PCDHGB4: variants seen among roughly 807,000 people sequenced by gnomAD.
PCDHGB4 encodes protocadherin gamma subfamily B, 4.
In PCDHGB4, 38 loss-of-function variants were observed where a neutral mutation model predicts 60.5. The observed-to-expected ratio is 0.63, with a 90% confidence interval of 0.48 to 0.82. The LOEUF is 0.82. Ranked by LOEUF, PCDHGB4 falls within the 40% of genes least tolerant of loss-of-function variation. The pLI is 0.00. For missense variants in PCDHGB4, 1,109 were observed against 1,209.6 expected, an observed-to-expected ratio of 0.92 and a Z score of 1.23; for synonymous variants, 456 against 509.7, an observed-to-expected ratio of 0.89 and a Z score of 1.42.
chr5:141,408,824 C>T, intron 1 of PCDHGB4: 1 of 1,613,560 alleles, frequency 6.2e-7, no homozygotes, highest in South Asian at 1.1e-5. Context: ...ACAGAGATCT[C>T]ATAGCTTGAT....
intron 1 of PCDHGB4, among the ~76,000 whole-genome samples, chr5:141,475,171 C>A (rs545499118): frequency 6.6e-6 from 1 of 152,164 alleles, no homozygotes; most frequent in African/African-American, 2.4e-5. Context: ...AGCAGTGCAA[C>A]TTCTTGTGGC....
rs117345436 is a variant in PCDHGB4 at position 141,492,015 on chromosome 5, G to T, written c.2398-2792G>T. 1,356 of 600,608 alleles carry T rather than the reference G, an allele frequency of 2.3e-3. 40 individuals carry two copies. The East Asian group carries it at 0.038, about 17-fold the overall frequency. The allele number at this position is 600,608 out of a possible 1,614,324, so 37.2% of individuals were successfully genotyped here. A position where few individuals can be genotyped will look rare whatever the true frequency, so the allele number is the denominator to read the frequency against. ...ATTTCGGGCGATTTCCGCGGGTGTC[G>T]GGGGTCCCGGGAGGAGGCAGTCACA... On this transcript the variant is annotated intron_variant, in intron 1 of 3. Transcript: ENST00000519479.
intron 1 of PCDHGB4, chr5:141,405,594 C>G: frequency 1.7e-6 from 1 of 578,834 alleles, no homozygotes; most frequent in Non-Finnish European, 3.0e-6. Context: ...ACAGGCCTCC[C>G]AAGTAGAATA....
rs2091100634 is a variant in PCDHGB4 at position 141,387,811 on chromosome 5, A to C, written c.-74A>C. 4 of 1,528,618 alleles carry C rather than the reference A, an allele frequency of 2.6e-6. No individual in the cohort carries two copies. The South Asian group carries it at 5.1e-5, about 19-fold the overall frequency. 94.7% of individuals were successfully genotyped at this position (1,528,618 alleles called of 1,614,324 possible). ...CAACTAAAGTCCGTTCGGAGATCCA[A>C]AAATCTGCAATACAGAGGTTATTTG... On this transcript the variant is annotated 5_prime_UTR_variant, in exon 1 of 4. Transcript: ENST00000519479.
chr5:141,392,187 AT>A (rs1221931532), intron 1 of PCDHGB4: 1 of 152,234 alleles, frequency 6.6e-6, no homozygotes, highest in Non-Finnish European at 1.5e-5. Context: ...CAGTAGGTCT[AT>A]TTTAGTCTCA....
chr5:141,407,869 A>T lies in PCDHGB4; in HGVS notation c.2397+17588A>T, dbSNP rs1031666668. ...GGATGTACACCTGCATTTTCGAAGA[A>T]TATATACATTTCGGAGACCGAATTC... On this transcript the variant is annotated intron_variant, in intron 1 of 3. Coordinates refer to ENST00000519479, the MANE Select transcript of PCDHGB4 (RefSeq NM_003736.4). Among the ~76,000 whole-genome samples, 20 of 152,262 alleles carry T rather than the reference A, an allele frequency of 1.3e-4. No homozygotes were observed. The East Asian group carries it at 1.5e-3, about 12-fold the overall frequency.
chr5:141,460,936 A>G (rs189741735), intron 1 of PCDHGB4, among the ~76,000 whole-genome samples: 31 of 149,318 alleles, frequency 2.1e-4, no homozygotes, highest in Non-Finnish European at 3.8e-4. Flanking sequence ...GTGTGTGTGT[A>G]TATATATGTA....
intron 1 of PCDHGB4, among the ~76,000 whole-genome samples, chr5:141,436,491 T>G (rs546883133): frequency 6.6e-6 from 1 of 152,182 alleles, no homozygotes; most frequent in Non-Finnish European, 1.5e-5. Flanking sequence ...GATAGCAGCT[T>G]TGCAATTAGG....
chr5:141,398,747 A>G (rs1046077050), intron 1 of PCDHGB4: 5 of 1,613,378 alleles, frequency 3.1e-6, no homozygotes, highest in Non-Finnish European at 4.2e-6. Flanking sequence ...CAACAGAGTT[A>G]CCATCGTTTA....
intron 1 of PCDHGB4, among the ~76,000 whole-genome samples, chr5:141,445,620 C>T (rs561235315): frequency 2.0e-5 from 3 of 151,966 alleles, no homozygotes; most frequent in African/African-American, 4.8e-5. Context: ...TTCTTTTTTT[C>T]GGAAAGTGAT....
chr5:141,460,142 G>A (rs932507660), intron 1 of PCDHGB4, among the ~76,000 whole-genome samples: 5 of 151,950 alleles, frequency 3.3e-5, no homozygotes, highest in African/African-American at 1.2e-4. Flanking sequence ...TATTCTTGAT[G>A]TGAGCTCTTT....
intron 1 of PCDHGB4, chr5:141,394,856 G>T (rs1008039711): frequency 1.2e-6 from 2 of 1,613,674 alleles, no homozygotes; most frequent in African/African-American, 2.7e-5. Context: ...TGAAGCCTTC[G>T]GTCGACCCGA....
chr5:141,423,656 A>G (rs988976310), intron 1 of PCDHGB4: 2 of 1,571,854 alleles, frequency 1.3e-6, no homozygotes, highest in African/African-American at 1.4e-5. Context: ...CCGACAAGTA[A>G]TCAGGTGAGA....
chr5:141,503,222 G>T (rs540244346), intron 2 of PCDHGB4, among the ~76,000 whole-genome samples: 1 of 152,120 alleles, frequency 6.6e-6, no homozygotes, highest in East Asian at 1.9e-4. Context: ...CATGAGCACC[G>T]TAAAGATGGA....
chr5:141,469,314 C>T (rs982242861), intron 1 of PCDHGB4, among the ~76,000 whole-genome samples: 3 of 152,100 alleles, frequency 2.0e-5, no homozygotes, highest in Admixed American at 1.3e-4. Context: ...CGATGGCTCA[C>T]GCCTGTAATC....
In PCDHGB4 at chr5:141,458,391, C is replaced by G. The variant is rs534396279; in HGVS notation, c.2398-36416C>G. 5.9e-5 allele frequency among the ~76,000 whole-genome samples: 9 copies of G among 152,126 alleles called. No homozygotes were observed. In the South Asian group the frequency reaches 1.0e-3, roughly 18 times the overall value. ...GGAGAAGAGAGAAGGAAGACGCTCCCCCTTGCAGAGACGGAGCGGGGGTTC... is the reference window on the plus strand; with the variant it reads ...GGAGAAGAGAGAAGGAAGACGCTCCGCCTTGCAGAGACGGAGCGGGGGTTC... On this transcript the variant is annotated intron_variant, in intron 1 of 3. Coordinates refer to ENST00000519479, the MANE Select transcript of PCDHGB4 (RefSeq NM_003736.4).
chr5:141,395,435 T>A, intron 1 of PCDHGB4: 1 of 680,384 alleles, frequency 1.5e-6, no homozygotes, highest in Non-Finnish European at 2.3e-6. Context: ...TTTAAACGAC[T>A]TGGAAAAGAT....
At chr5:141,464,008 G>A (rs1484928987) in intron 1 of PCDHGB4, among the ~76,000 whole-genome samples, 6 of 151,674 alleles carry the variant, frequency 4.0e-5, no homozygotes, top group Non-Finnish European at 7.4e-5. Flanking sequence ...GCTCATGCTT[G>A]TAATCCCACA....
chr5:141,402,825 A>G, intron 1 of PCDHGB4: 1 of 1,320,620 alleles, frequency 7.6e-7, no homozygotes, highest in Non-Finnish European at 1.0e-6. Flanking sequence ...ACCTGCTCCC[A>G]GGCTGCAGCA....
Sources: allele counts gnomAD v4.1 joint callset (sites outside exome capture counted in the v4.1 genomes callset), GRCh38; gene constraint gnomAD v4.1.1; transcripts MANE v1.5; gene names NCBI Gene and HGNC (gene_info 2026-07-23, HGNC 2026-07-21).